The following SLC44A5 variants were observed in gnomAD, a reference collection of about 807,000 sequenced individuals.
SLC44A5 encodes choline transporter-like protein 5.
A neutral mutation model predicts 101.8 loss-of-function variants in SLC44A5; 57 were observed. The ratio of observed to expected loss-of-function variants is 0.56; its 90% confidence interval spans 0.45 to 0.70. The LOEUF is 0.70. SLC44A5 is among the 30% of genes least tolerant of loss of function. The pLI is 0.00. For missense variants in SLC44A5, 737 were observed against 853.1 expected (o/e 0.86, Z 1.70); for synonymous variants, 281 against 290.9 (o/e 0.97, Z 0.35).
chr1:75,234,835 T>G (rs1299764029), intron 11 of SLC44A5, among the ~76,000 whole-genome samples: 4 of 152,066 alleles, frequency 2.6e-5, no homozygotes, highest in African/African-American at 9.7e-5. Flanking sequence ...TAGAGAAGCT[T>G]CTTTTCCTCC....
At chr1:75,520,674 A>C (rs898186161) in intron 2 of SLC44A5, among the ~76,000 whole-genome samples, 1 of 152,210 alleles carries the variant, frequency 6.6e-6, no homozygotes, top group Non-Finnish European at 1.5e-5. Context: ...AGAAATAATA[A>C]TTTTGGTCTG....
chr1:75,257,506 TC>T lies in SLC44A5; in HGVS notation c.261-6213del, dbSNP rs1347629292. The stretch of plus-strand genomic sequence containing the variant: ...AAAAGAGTGAAGAGAGGCAGCATGC[TC>T]AGCCAGGATCAGCTGGGAACCTAGA... On this transcript the variant is annotated intron_variant, in intron 6 of 23. Coordinates refer to ENST00000370859, the MANE Select transcript of SLC44A5 (RefSeq NM_001130058.2). 2.0e-5 allele frequency among the ~76,000 whole-genome samples: 3 copies of T among 152,234 alleles called. No individual in the cohort carries two copies. The East Asian group carries it at 5.8e-4, about 29-fold the overall frequency.
intron 2 of SLC44A5, among the ~76,000 whole-genome samples, chr1:75,510,982 A>C (rs1272399730): frequency 2.0e-5 from 3 of 152,138 alleles, no homozygotes; most frequent in Non-Finnish European, 4.4e-5. Flanking sequence ...CTCTACTAAA[A>C]GTACAGAAAA....
chr1:75,524,825 T>C (rs1192670134), intron 2 of SLC44A5, among the ~76,000 whole-genome samples: 1 of 152,138 alleles, frequency 6.6e-6, no homozygotes, highest in East Asian at 1.9e-4. Flanking sequence ...TATATATCCT[T>C]ATCTGTATTG....
chr1:75,261,619 A>C (rs1026072515), intron 6 of SLC44A5, among the ~76,000 whole-genome samples: 1 of 152,160 alleles, frequency 6.6e-6, no homozygotes, highest in Admixed American at 6.6e-5. Flanking sequence ...ACTCCTTCTG[A>C]AACTATTTCA....
chr1:75,467,894 A>G (rs1666908318), intron 2 of SLC44A5, among the ~76,000 whole-genome samples: 1 of 142,782 alleles, frequency 7.0e-6, no homozygotes, highest in Non-Finnish European at 1.5e-5. Flanking sequence ...TGAAGAGACA[A>G]CTCACAAAAT....
At chr1:75,402,909 C>A (rs1479417911) in intron 2 of SLC44A5, among the ~76,000 whole-genome samples, 1 of 152,140 alleles carries the variant, frequency 6.6e-6, no homozygotes, top group Admixed American at 6.5e-5. Context: ...TCAGTGGATC[C>A]CACACACATT....
At chr1:75,630,976 G>A in the SLC44A5 span, among the ~76,000 whole-genome samples, 1 of 152,210 alleles carries the variant, frequency 6.6e-6, no homozygotes, top group Non-Finnish European at 1.5e-5. Context: ...AATTCTTGCT[G>A]TGCCAGCACT....
rs537684548 is a variant in SLC44A5, at chr1:75,406,040, A to G, written c.14-9419T>C. On this transcript the variant is annotated intron_variant, in intron 2 of 23. Coordinates refer to ENST00000370859, the MANE Select transcript of SLC44A5 (RefSeq NM_001130058.2). ...AATGATAGAGGGGATATCACCACCG[A>G]TTCCACAGAAATACAAACTATTGTT... is the stretch of plus-strand genomic sequence containing the variant. Among the ~76,000 whole-genome samples, 20 of 152,314 alleles carry G rather than the reference A, an allele frequency of 1.3e-4. No homozygotes were observed. The East Asian group carries it at 3.9e-3, about 29-fold the overall frequency.
chr1:75,241,758 T>C (rs1324533565), intron 9 of SLC44A5, among the ~76,000 whole-genome samples: 1 of 152,048 alleles, frequency 6.6e-6, no homozygotes, highest in South Asian at 2.1e-4. Flanking sequence ...GCTTTCAACA[T>C]TCAATCTTTT....
the SLC44A5 span, among the ~76,000 whole-genome samples, chr1:75,718,399 C>T: frequency 1.3e-5 from 2 of 152,120 alleles, no homozygotes; most frequent in Admixed American, 6.5e-5. Context: ...TCCCAACAAC[C>T]ACTACTGGGA....
intron 5 of SLC44A5, among the ~76,000 whole-genome samples, chr1:75,292,037 A>G (rs890123507): frequency 7.3e-5 from 11 of 151,670 alleles, no homozygotes; most frequent in Admixed American, 7.2e-4. Context: ...AAAGAAAAGA[A>G]AGCAGGGTAA....
the SLC44A5 span, among the ~76,000 whole-genome samples, chr1:75,723,014 T>A: frequency 6.6e-6 from 1 of 152,194 alleles, no homozygotes; most frequent in African/African-American, 2.4e-5. Context: ...CTGGAGGTGT[T>A]TTTACCTTTC....
At chr1:75,543,695 A>T (rs930351325) in intron 1 of SLC44A5, among the ~76,000 whole-genome samples, 1 of 18,594 alleles carries the variant, frequency 5.4e-5, no homozygotes, top group Admixed American at 5.0e-4. Flanking sequence ...ACACATATAT[A>T]TACATATATA....
At chr1:75,673,669 C>T in the SLC44A5 span, among the ~76,000 whole-genome samples, 1 of 152,142 alleles carries the variant, frequency 6.6e-6, no homozygotes, top group African/African-American at 2.4e-5. Flanking sequence ...TGCTGGCGAC[C>T]ACAAGAGTGC....
chr1:75,505,167 A>T (rs541051867), intron 2 of SLC44A5, among the ~76,000 whole-genome samples: 1 of 152,252 alleles, frequency 6.6e-6, no homozygotes, highest in East Asian at 1.9e-4. Flanking sequence ...AAAGGACATG[A>T]TTTTGTTCTT....
intron 2 of SLC44A5, among the ~76,000 whole-genome samples, chr1:75,504,528 T>TA (rs1239669079): frequency 6.6e-6 from 1 of 152,174 alleles, no homozygotes; most frequent in Non-Finnish European, 1.5e-5. Context: ...ATCACTATGC[T>TA]AACCCCATAT....
chr1:75,310,548 A>G (rs1655218748), intron 4 of SLC44A5, among the ~76,000 whole-genome samples: 1 of 152,244 alleles, frequency 6.6e-6, no homozygotes, highest in Non-Finnish European at 1.5e-5. Context: ...ACTAGCGGAC[A>G]CAAGAGAAAA....
chr1:75,654,236 G>A, the SLC44A5 span, among the ~76,000 whole-genome samples: 1 of 152,070 alleles, frequency 6.6e-6, no homozygotes, highest in Non-Finnish European at 1.5e-5. Context: ...AATACTTAAG[G>A]AATTATAAAA....
Sources: gnomAD v4.1 joint callset for allele counts (sites outside exome capture counted in the v4.1 genomes callset) on GRCh38, gnomAD v4.1.1 for gene constraint, MANE v1.5 for transcripts, NCBI Gene and HGNC (gene_info 2026-07-23, HGNC 2026-07-21) for gene names.